The following TBC1D22A variants were observed in gnomAD, a reference collection of about 807,000 sequenced individuals.
TBC1D22A encodes putative GTPase activator.
TBC1D22A carries 38 observed loss-of-function variants against 60.2 expected under a neutral mutation model. The ratio of observed to expected loss-of-function variants is 0.63; its 90% CI spans 0.49 to 0.83. TBC1D22A has a LOEUF of 0.83. TBC1D22A is among the 40% of genes least tolerant of loss of function. The pLI is 0.00. For missense variants in TBC1D22A, 628 were observed against 701.0 expected (o/e 0.90, Z 1.18); for synonymous variants, 302 against 281.7 (o/e 1.07, Z -0.72).
intron 1 of TBC1D22A, among the ~76,000 whole-genome samples, chr22:46,769,093 CAAAAAA>C (rs61105868): frequency 6.6e-4 from 48 of 72,650 alleles, no homozygotes; most frequent in African/African-American, 2.4e-3. Context: ...GACTCTGTCT[CAAAAAA>C]AAAAAAAAAA....
chr22:46,805,007 A>C (rs2085067387), intron 4 of TBC1D22A, among the ~76,000 whole-genome samples: 1 of 152,204 alleles, frequency 6.6e-6, no homozygotes, highest in Non-Finnish European at 1.5e-5. Context: ...TAGGGCGAGT[A>C]TGGCAGGATC....
At chr22:47,164,870 C>T (rs1286685682) in intron 12 of TBC1D22A, among the ~76,000 whole-genome samples, 1 of 152,218 alleles carries the variant, frequency 6.6e-6, no homozygotes, top group Non-Finnish European at 1.5e-5. Context: ...CCTGCAGCCC[C>T]TGCGCAGGAG....
intron 10 of TBC1D22A, among the ~76,000 whole-genome samples, chr22:47,005,624 A>G (rs997598464): frequency 6.8e-6 from 1 of 147,538 alleles, no homozygotes; most frequent in African/African-American, 2.6e-5. Flanking sequence ...CATACCCCCT[A>G]CAAACATGCC....
chr22:47,005,543 A>T (rs2061559588), intron 10 of TBC1D22A, among the ~76,000 whole-genome samples: 1 of 151,466 alleles, frequency 6.6e-6, no homozygotes, highest in South Asian at 2.1e-4. Context: ...ATATTCACAC[A>T]TACCCTCCTA....
At chr22:47,098,929 G>A (rs975538472) in intron 11 of TBC1D22A, among the ~76,000 whole-genome samples, 6 of 152,222 alleles carry the variant, frequency 3.9e-5, no homozygotes, top group African/African-American at 1.2e-4. Context: ...GGGGCAGTCA[G>A]GTGCTGTTGT....
chr22:46,970,917 C>T (rs6008010), intron 8 of TBC1D22A, among the ~76,000 whole-genome samples: 19,180 of 152,074 alleles, frequency 0.13, 1,712 homozygotes, highest in African/African-American at 0.26. Flanking sequence ...CACACCAGCC[C>T]GTGGGTATTT....
intron 4 of TBC1D22A, among the ~76,000 whole-genome samples, chr22:46,848,270 G>A (rs994668793): frequency 2.6e-5 from 4 of 152,356 alleles, no homozygotes; most frequent in Middle Eastern, 6.8e-3. Flanking sequence ...AACTCAGGTC[G>A]TCCTCCACCC....
chr22:46,927,058 C>G (rs1274430982), intron 8 of TBC1D22A, among the ~76,000 whole-genome samples: 1 of 152,142 alleles, frequency 6.6e-6, no homozygotes, highest in Non-Finnish European at 1.5e-5. Context: ...TTCATAGACT[C>G]TTTCAAAAAA....
intron 11 of TBC1D22A, among the ~76,000 whole-genome samples, chr22:47,064,238 C>T (rs562739678): frequency 3.3e-5 from 5 of 152,372 alleles, no homozygotes; most frequent in Non-Finnish European, 5.9e-5. Flanking sequence ...CCTCCTCTCC[C>T]GCTCAGCAGT....
At chr22:47,081,845 A>G (rs1164916149) in intron 11 of TBC1D22A, among the ~76,000 whole-genome samples, 3 of 152,224 alleles carry the variant, frequency 2.0e-5, no homozygotes, top group African/African-American at 7.2e-5. Flanking sequence ...TATGAGTACA[A>G]AGACTTAACA....
At chr22:46,783,932 A>T (rs1274004856) in intron 1 of TBC1D22A, among the ~76,000 whole-genome samples, 3 of 152,186 alleles carry the variant, frequency 2.0e-5, no homozygotes, top group African/African-American at 7.2e-5. Context: ...CAAGAAGTGG[A>T]ATTACGTCAT....
At chr22:47,155,341 T>A (rs910878759) in intron 12 of TBC1D22A, among the ~76,000 whole-genome samples, 1 of 152,218 alleles carries the variant, frequency 6.6e-6, no homozygotes, top group African/African-American at 2.4e-5. Context: ...TGGCCAGCTC[T>A]GGCAGCTGCC....
intron 12 of TBC1D22A, among the ~76,000 whole-genome samples, chr22:47,118,597 T>C (rs1382394982): frequency 6.6e-6 from 1 of 152,102 alleles, no homozygotes; most frequent in African/African-American, 2.4e-5. Context: ...AGACAACTTA[T>C]GATAAAGACA....
Position 47,055,266 on chromosome 22 carries a change from C to T in TBC1D22A, c.1329+18068C>T, listed in dbSNP as rs77790176. Among the ~76,000 whole-genome samples, 412 of 152,282 alleles carry T rather than the reference C, an allele frequency of 2.7e-3. 1 individual carries two copies. The highest frequency in any genetic ancestry group is 9.4e-3 in the African/African-American group (390 of 41,566). On this transcript the variant is annotated intron_variant, in intron 11 of 12. Coordinates refer to ENST00000337137, the MANE Select transcript of TBC1D22A (RefSeq NM_014346.5). ...TATCCCTGTGTGAGATATAGGAGAACGATGGAGTCAGGTGAGTGTTTTGCT... is the reference window on the plus strand; with the variant it reads ...TATCCCTGTGTGAGATATAGGAGAATGATGGAGTCAGGTGAGTGTTTTGCT...
At chr22:46,798,396 AG>A (rs1453643814) in intron 4 of TBC1D22A, among the ~76,000 whole-genome samples, 3 of 152,158 alleles carry the variant, frequency 2.0e-5, no homozygotes, top group Non-Finnish European at 4.4e-5. Flanking sequence ...GAGCCCTGCA[AG>A]GGGGCAGGGG....
intron 4 of TBC1D22A, among the ~76,000 whole-genome samples, chr22:46,830,692 A>G (rs1361137356): frequency 6.6e-6 from 1 of 152,198 alleles, no homozygotes; most frequent in Non-Finnish European, 1.5e-5. Context: ...ATCTTCAAGA[A>G]CAGTGATACA....
At chr22:47,045,821 C>T (rs1054625107) in intron 11 of TBC1D22A, among the ~76,000 whole-genome samples, 1 of 152,122 alleles carries the variant, frequency 6.6e-6, no homozygotes, top group Admixed American at 6.5e-5. Flanking sequence ...TGCTGCTGTA[C>T]GGATTGGTGT....
At chr22:46,885,740 C>T (rs894513611) in intron 5 of TBC1D22A, among the ~76,000 whole-genome samples, 4 of 152,056 alleles carry the variant, frequency 2.6e-5, no homozygotes, top group Non-Finnish European at 5.9e-5. Flanking sequence ...AGGTACCCAA[C>T]AGAAGGAGCT....
At chr22:46,943,599 C>T (rs573911571) in intron 8 of TBC1D22A, among the ~76,000 whole-genome samples, 5 of 152,160 alleles carry the variant, frequency 3.3e-5, no homozygotes, top group East Asian at 1.9e-4. Context: ...CCATTTAATG[C>T]GTATAATTCA....
Sources: allele counts gnomAD v4.1 joint callset (sites outside exome capture counted in the v4.1 genomes callset), GRCh38; gene constraint gnomAD v4.1.1; transcripts MANE v1.5; gene names NCBI Gene and HGNC (gene_info 2026-07-23, HGNC 2026-07-21).